Variants in GLYCTK observed in about 807,000 individuals in gnomAD.
The protein encoded by GLYCTK is glycerate kinase.
Under a neutral mutation model 24.8 loss-of-function variants are expected in GLYCTK, and 22 were observed. The observed-to-expected ratio is 0.89, with a 90% confidence interval of 0.63 to 1.27. GLYCTK has a LOEUF of 1.27. GLYCTK is among the 50% of genes most tolerant of loss of function. The pLI is 0.00. For missense variants in GLYCTK, 684 were observed against 686.7 expected (o/e 1.00, Z 0.04); for synonymous variants, 320 against 297.2 (o/e 1.08, Z -0.79).
rs562858856 is a variant in GLYCTK at position 52,291,707 on chromosome 3, G to A, written c.530-40G>A. Reference sequence around the variant, plus strand: ...CCCTGCTTGCCTGGTTCCCTGGGTTGGGATAGCCCCTCTACCTGATACCCT... The same window carrying A: ...CCCTGCTTGCCTGGTTCCCTGGGTTAGGATAGCCCCTCTACCTGATACCCT... On this transcript the variant is annotated intron_variant, in intron 3 of 4. Coordinates refer to ENST00000436784, the MANE Select transcript of GLYCTK (RefSeq NM_145262.4). 7 of 1,598,152 alleles carry A rather than the reference G, an allele frequency of 4.4e-6. No homozygotes were observed. The East Asian group carries it at 1.6e-4, about 36-fold the overall frequency.
chr3:52,292,242 CTGGTGGCCCTTCCCCAGG>C lies in GLYCTK; in HGVS notation c.706-12_711del. ...AGGAGGAAGTGGGCCTGAGCCTTGT[CTGGTGGCCCTTCCCCAGG>C]TGGTGAGCCTCATCCTGTCAGATGT... On this transcript the variant is annotated splice_acceptor_variant and splice_polypyrimidine_tract_variant and coding_sequence_variant and intron_variant, in exon 5 of 5. Transcript: ENST00000436784. LOFTEE classifies it high-confidence loss of function. 1.2e-6 allele frequency: 2 copies of C among 1,613,664 alleles called. No individual in the cohort carries two copies. Among genetic ancestry groups the C allele is most frequent in the Non-Finnish European group, 1.7e-6 (2 of 1,179,890 alleles).
rs1362356767 is a variant in GLYCTK at position 52,294,860 on chromosome 3, A to G, written c.*1734A>G. The G allele has an allele frequency of 2.2e-6, 1 of 454,036 alleles. No homozygotes were observed. Among genetic ancestry groups the G allele is most frequent in the Non-Finnish European group, 4.4e-6 (1 of 226,762 alleles). 28.1% of individuals were successfully genotyped at this position (454,036 alleles called of 1,614,324 possible). A position where few individuals can be genotyped will look rare whatever the true frequency, so the allele number is the denominator to read the frequency against. On this transcript the variant is annotated 3_prime_UTR_variant, in exon 5 of 5. Coordinates refer to ENST00000436784, the MANE Select transcript of GLYCTK (RefSeq NM_145262.4). ...TGTCCCCAGTGTGTGTGTGGGTGGT[A>G]GGTGTGTGAGTATACAGACGTTGGT...
intron 1 of GLYCTK, chr3:52,290,002 C>T (rs1700408965): frequency 5.2e-6 from 2 of 386,282 alleles, no homozygotes; most frequent in Non-Finnish European, 9.5e-6. Context: ...TAACTCCCAG[C>T]CAAAGGGGTG....
Position 52,292,355 on chromosome 3 carries a change from C to T in GLYCTK, c.801C>T (p.Cys267=), listed in dbSNP as rs1441207902. The change falls in exon 5 of 5, where the codon TGC becomes TGT. Residue 267 remains cysteine, a synonymous_variant. Coordinates refer to ENST00000436784, the MANE Select transcript of GLYCTK (RefSeq NM_145262.4). Reference sequence around the variant, plus strand: ...CCAGTTCCCACAATGTGCAAGATTGCCTGCATATCCTCAATCGCTACGGCC... The same window carrying T: ...CCAGTTCCCACAATGTGCAAGATTGTCTGCATATCCTCAATCGCTACGGCC... ...TVASSHNVQD[C]LHILNRYGLR... is the part of the protein sequence containing the mutation. 7 of 1,614,022 alleles carry T rather than the reference C, an allele frequency of 4.3e-6. No individual in the cohort carries two copies. The highest frequency in any genetic ancestry group is 5.1e-6 in the Non-Finnish European group (6 of 1,180,004).
chr3:52,290,999 C>G lies in GLYCTK; in HGVS notation c.417C>G (p.Phe139Leu), dbSNP rs1448390384. ...LLKPHSRVQV[F>L]EGAEDNLPDR... Reference sequence around the variant, plus strand: ...AGCCACATAGCCGTGTCCAGGTATTCGAGGGTGCGGAGGACAACCTCCCGG... The same window carrying G: ...AGCCACATAGCCGTGTCCAGGTATTGGAGGGTGCGGAGGACAACCTCCCGG... Residue 139 changes from phenylalanine to leucine, a missense_variant, in exon 3 of 5, where the codon TTC becomes TTG. Transcript: ENST00000436784. The G allele has an allele frequency of 1.9e-6, 3 of 1,614,036 alleles. No homozygotes were observed. The highest frequency in any genetic ancestry group is 2.5e-6 in the Non-Finnish European group (3 of 1,180,002).
At position 52,290,289 on chromosome 3, in the gene GLYCTK, G is replaced by C. The variant is rs1452101008; in HGVS notation, c.-39-15G>C. The stretch of plus-strand genomic sequence containing the variant: ...TTTGCCTTGCAAGGGCCTCAGTTGT[G>C]CTTTTTCCCTCTAGGCAGCCATGGG... On this transcript the variant is annotated splice_polypyrimidine_tract_variant and intron_variant, in intron 1 of 4. Coordinates refer to ENST00000436784, the MANE Select transcript of GLYCTK (RefSeq NM_145262.4). 6.3e-7 allele frequency: 1 copy of C among 1,577,148 alleles called. No homozygotes were observed. Among genetic ancestry groups the C allele is most frequent in the Non-Finnish European group, 8.6e-7 (1 of 1,166,574 alleles).
At position 52,290,287 on chromosome 3, in the gene GLYCTK, G is replaced by A; in HGVS notation, c.-39-17G>A. The A allele has an allele frequency of 6.3e-7, 1 of 1,575,684 alleles. No individual in the cohort carries two copies. The highest frequency in any genetic ancestry group is 8.6e-7 in the Non-Finnish European group (1 of 1,165,710). ...CTTTTGCCTTGCAAGGGCCTCAGTT[G>A]TGCTTTTTCCCTCTAGGCAGCCATG... On this transcript the variant is annotated splice_polypyrimidine_tract_variant and intron_variant, in intron 1 of 4. Coordinates refer to ENST00000436784, the MANE Select transcript of GLYCTK (RefSeq NM_145262.4).
chr3:52,293,002 T>G lies in GLYCTK; in HGVS notation c.1448T>G (p.Phe483Cys), dbSNP rs1385020926. The change falls in exon 5 of 5, where the codon TTC (phenylalanine) becomes TGC (cysteine). Residue 483 changes from phenylalanine to cysteine, a missense_variant. Physicochemically the swap from Phe to Cys is radical, Grantham distance 205 (BLOSUM62 -2). Coordinates refer to ENST00000436784, the MANE Select transcript of GLYCTK (RefSeq NM_145262.4). ...GCTGAGGGCCTGGACATAGCCACCT[T>G]CCTAGCCCACAATGACTCACATACC... ...AAAEGLDIAT[F>C]LAHNDSHTFF... 21 of 1,614,060 alleles carry G rather than the reference T, an allele frequency of 1.3e-5. No homozygotes were observed. Among genetic ancestry groups the G allele is most frequent in the Non-Finnish European group, 1.8e-5 (21 of 1,180,026 alleles).
In GLYCTK at chr3:52,293,692, C is replaced by T. The variant is rs774275988; in HGVS notation, c.*566C>T. On this transcript the variant is annotated 3_prime_UTR_variant, in exon 5 of 5. Coordinates refer to ENST00000436784, the MANE Select transcript of GLYCTK (RefSeq NM_145262.4). The stretch of plus-strand genomic sequence containing the variant: ...CTTGGCTCCTGACAGCTTTGATGTG[C>T]GTGAGCAGAGACCCCAGGGAGGACA... 11 of 454,006 alleles carry T rather than the reference C, an allele frequency of 2.4e-5. No individual in the cohort carries two copies. Among genetic ancestry groups the T allele is most frequent in the South Asian group, 1.2e-4 (8 of 64,484 alleles). The allele number at this position is 454,006 out of a possible 1,614,324, so 28.1% of individuals were successfully genotyped here.
At chr3:52,290,849 G>A (rs1700442975) in intron 2 of GLYCTK, 111 bp from the exon 3 acceptor site, 6 of 1,580,674 alleles carry the variant, frequency 3.8e-6, no homozygotes, top group Non-Finnish European at 5.2e-6. Context: ...GCCCCAGGAT[G>A]CATGTCAGTG....
rs772318867 is a variant in GLYCTK, at chr3:52,294,817, C to T, written c.*1691C>T. The T allele has an allele frequency of 4.4e-6, 2 of 453,896 alleles. No individual in the cohort carries two copies. The highest frequency in any genetic ancestry group is 3.1e-5 in the South Asian group (2 of 64,476). 28.1% of individuals were successfully genotyped at this position (453,896 alleles called of 1,614,324 possible). The stretch of plus-strand genomic sequence containing the variant: ...AGAGCTGGGGCAGGGGCTGCAGGAG[C>T]TGAGGGCCTGGCAGCCATGTCCCCA... On this transcript the variant is annotated 3_prime_UTR_variant, in exon 5 of 5. Transcript: ENST00000436784.
rs767761980 is a variant in GLYCTK, at chr3:52,292,791, C to T, written c.1237C>T (p.Gln413Ter). The T allele has an allele frequency of 5.0e-6, 8 of 1,610,634 alleles. No homozygotes were observed. The highest frequency in any genetic ancestry group is 2.2e-5 in the South Asian group (2 of 90,722). Residue 413 changes from glutamine to a stop codon, truncating the protein, a stop_gained, in exon 5 of 5, where the codon CAG (glutamine) becomes TAG (stop). Transcript: ENST00000436784. LOFTEE classifies it high-confidence loss of function. ...CLLAGGEPTV[Q>*]LQGSGRGGRN... ...GCTGGCTGGTGGCGAGCCCACAGTACAGCTGCAGGGCTCGGGCAGGGGTGG... is the reference window on the plus strand; with the variant it reads ...GCTGGCTGGTGGCGAGCCCACAGTATAGCTGCAGGGCTCGGGCAGGGGTGG...
chr3:52,294,579 A>G lies in GLYCTK; in HGVS notation c.*1453A>G, dbSNP rs763626279. On this transcript the variant is annotated 3_prime_UTR_variant, in exon 5 of 5. Coordinates refer to ENST00000436784, the MANE Select transcript of GLYCTK (RefSeq NM_145262.4). The stretch of plus-strand genomic sequence containing the variant: ...AAAGGGGAGCTTGCACCCCACTGGG[A>G]TGCGCAGGCACCGCTTCCTTTCCTT... 1 of 403,850 alleles carries G rather than the reference A, an allele frequency of 2.5e-6. No individual in the cohort carries two copies. Among genetic ancestry groups the G allele is most frequent in the South Asian group, 1.8e-5 (1 of 55,292 alleles). The allele number at this position is 403,850 out of a possible 1,614,324, so 25.0% of individuals were successfully genotyped here.
rs3733063 is a variant in GLYCTK, at chr3:52,294,517, G to A, written c.*1391G>A. ...GCTGGAGATTGGGAGGGAGGTAAAC[G>A]TGGTAAGCGGGCTCTGGGGACCAGG... On this transcript the variant is annotated 3_prime_UTR_variant, in exon 5 of 5. Coordinates refer to ENST00000436784, the MANE Select transcript of GLYCTK (RefSeq NM_145262.4). The A allele has an allele frequency of 0.13, 50,360 of 383,582 alleles. 4,485 individuals carry two copies. Among genetic ancestry groups the A allele is most frequent in the African/African-American group, 0.31 (14,962 of 47,628 alleles). The allele number at this position is 383,582 out of a possible 1,614,324, so 23.8% of individuals were successfully genotyped here. A position where few individuals can be genotyped will look rare whatever the true frequency, so the allele number is the denominator to read the frequency against.
Position 52,292,404 on chromosome 3 carries a change from G to A in GLYCTK, c.850G>A (p.Val284Met). 1.9e-6 allele frequency: 3 copies of A among 1,613,842 alleles called. No individual in the cohort carries two copies. Among genetic ancestry groups the A allele is most frequent in the Non-Finnish European group, 2.5e-6 (3 of 1,180,004 alleles). The change falls in exon 5 of 5, where the codon GTG (valine) becomes ATG (methionine). Residue 284 changes from valine to methionine, a missense_variant. Physicochemically the swap from Val to Met is conservative, Grantham distance 21. Coordinates refer to ENST00000436784, the MANE Select transcript of GLYCTK (RefSeq NM_145262.4). ...CCTCCGTGCAGCCCTGCCACGTTCT[G>A]TGAAGACTGTGCTGTCTCGGGCCGA... is the stretch of plus-strand genomic sequence containing the variant. ...YGLRAALPRS[V>M]KTVLSRADSD...
At position 52,294,949 on chromosome 3, in the gene GLYCTK, A is replaced by G. The variant is rs548110183; in HGVS notation, c.*1823A>G. Reference sequence around the variant, plus strand: ...CACATAGATACTTAGTACAGGGCACATGACTCCCTGCATCCCTGCTGAGGG... The same window carrying G: ...CACATAGATACTTAGTACAGGGCACGTGACTCCCTGCATCCCTGCTGAGGG... On this transcript the variant is annotated 3_prime_UTR_variant, in exon 5 of 5. Coordinates refer to ENST00000436784, the MANE Select transcript of GLYCTK (RefSeq NM_145262.4). The G allele has an allele frequency of 1.5e-4, 66 of 454,114 alleles. No individual in the cohort carries two copies. The East Asian group carries it at 4.2e-3, about 29-fold the overall frequency. The allele number at this position is 454,114 out of a possible 1,614,324, so 28.1% of individuals were successfully genotyped here.
Position 52,294,302 on chromosome 3 carries a change from GAGGCCTGGGGCTGCTCTTGC to G in GLYCTK, c.*1181_*1200del, listed in dbSNP as rs1385350202. On this transcript the variant is annotated 3_prime_UTR_variant, in exon 5 of 5. Transcript: ENST00000436784. The stretch of plus-strand genomic sequence containing the variant: ...GGAATAAAAAGCCATAGAGAACAGC[GAGGCCTGGGGCTGCTCTTGC>G]AGGCACTTCTTCCACCCCAACCCTC... The G allele has an allele frequency of 3.7e-6, 2 of 534,700 alleles. No homozygotes were observed. Among genetic ancestry groups the G allele is most frequent in the Middle Eastern group, 6.4e-4 (2 of 3,146 alleles). 33.1% of individuals were successfully genotyped at this position (534,700 alleles called of 1,614,324 possible). A position where few individuals can be genotyped will look rare whatever the true frequency, so the allele number is the denominator to read the frequency against.
At position 52,293,194 on chromosome 3, in the gene GLYCTK, T is replaced by G. The variant is rs751505344; in HGVS notation, c.*68T>G. 1.3e-6 allele frequency: 2 copies of G among 1,576,360 alleles called. No individual in the cohort carries two copies. Among genetic ancestry groups the G allele is most frequent in the Non-Finnish European group, 1.7e-6 (2 of 1,154,930 alleles). On this transcript the variant is annotated 3_prime_UTR_variant, in exon 5 of 5. Coordinates refer to ENST00000436784, the MANE Select transcript of GLYCTK (RefSeq NM_145262.4). Reference sequence around the variant, plus strand: ...GGCAAGGTCAGATGGCAGAGCAAGGTTGGTCCTCAGGGCCTCTCTAAGCCT... The same window carrying G: ...GGCAAGGTCAGATGGCAGAGCAAGGGTGGTCCTCAGGGCCTCTCTAAGCCT...
rs779543518 is a variant in GLYCTK, at chr3:52,291,778, C to T, written c.561C>T (p.Ile187=). The change falls in exon 4 of 5, where the codon ATC becomes ATT. Residue 187 remains isoleucine (I), a synonymous_variant. Coordinates refer to ENST00000436784, the MANE Select transcript of GLYCTK (RefSeq NM_145262.4). ...GGGSALLPAP[I]PPVTLEEKQT... ...GTTCAGCTCTGCTGCCTGCCCCCATCCCACCTGTCACACTGGAGGAGAAGC... is the reference window on the plus strand; with the variant it reads ...GTTCAGCTCTGCTGCCTGCCCCCATTCCACCTGTCACACTGGAGGAGAAGC... 1.2e-6 allele frequency: 2 copies of T among 1,613,752 alleles called. No individual in the cohort carries two copies. The highest frequency in any genetic ancestry group is 1.7e-6 in the Non-Finnish European group (2 of 1,179,984).
Sources: allele counts gnomAD v4.1 joint callset, GRCh38; gene constraint gnomAD v4.1.1; transcripts MANE v1.5; gene names NCBI Gene and HGNC (gene_info 2026-07-23, HGNC 2026-07-21).